LIMCH1: variants seen among roughly 807,000 people sequenced by gnomAD.
LIMCH1 encodes the protein LIM and calponin homology domains 1.
In LIMCH1, 113 loss-of-function variants were observed where a neutral mutation model predicts 176.5. That is an observed-to-expected ratio of 0.64 (90% CI 0.55 to 0.75). The LOEUF is 0.75. Among genes scored for constraint, LIMCH1 ranks in the 30% least tolerant of loss-of-function variants. The probability of loss-of-function intolerance (pLI) is 0.00; values close to 1 mark genes in which losing one functional copy is unlikely to be tolerated. For missense variants in LIMCH1, 1,674 were observed against 1,814.9 expected (o/e 0.92, Z 1.41); for synonymous variants, 619 against 645.9 (o/e 0.96, Z 0.63).
rs2093385935 is a variant in LIMCH1 at position 41,632,657 on chromosome 4, T to A, written c.1602-92T>A. ...GAATGAGAGCAGCCACATTCTTCTC[T>A]TAATCTTTCAGTCCCAAGGACTTTC... On this transcript the variant is annotated intron_variant, in intron 10 of 31. Coordinates refer to ENST00000503057, the MANE Select transcript of LIMCH1 (RefSeq NM_001330672.2). The A allele has an allele frequency of 1.9e-5, 19 of 996,928 alleles. No homozygotes were observed. The South Asian group carries it at 2.6e-4, about 13-fold the overall frequency. The allele number at this position is 996,928 out of a possible 1,614,324, so 61.8% of individuals were successfully genotyped here.
chr4:41,544,183 T>A (rs1382900270), intron 1 of LIMCH1, among the ~76,000 whole-genome samples: 1 of 152,142 alleles, frequency 6.6e-6, no homozygotes, highest in Non-Finnish European at 1.5e-5. Context: ...GATAAACTGC[T>A]ATTAAATAAA....
chr4:41,531,446 T>C (rs1299752399), intron 3 of LIMCH1, among the ~76,000 whole-genome samples: 1 of 149,454 alleles, frequency 6.7e-6, no homozygotes, highest in South Asian at 2.1e-4. Flanking sequence ...AATGCCCTCC[T>C]CTCTTTCTCT....
chr4:41,650,065 C>A (rs1027011459), intron 17 of LIMCH1, among the ~76,000 whole-genome samples: 1 of 152,190 alleles, frequency 6.6e-6, no homozygotes, highest in African/African-American at 2.4e-5. Flanking sequence ...AGTATTGGAA[C>A]CCCAATATGT....
intron 1 of LIMCH1, among the ~76,000 whole-genome samples, chr4:41,589,779 G>A (rs77170267): frequency 0.038 from 5,781 of 152,178 alleles, 273 homozygotes; most frequent in African/African-American, 0.11. Flanking sequence ...CTGTGTTCCT[G>A]GGCTGGTGAT....
At chr4:41,481,196 A>G (rs953628864) in intron 1 of LIMCH1, among the ~76,000 whole-genome samples, 1 of 152,176 alleles carries the variant, frequency 6.6e-6, no homozygotes, top group Non-Finnish European at 1.5e-5. Context: ...TGATTAAATA[A>G]CCTCAGGGCT....
At chr4:41,371,183 C>T (rs1040750693) in intron 1 of LIMCH1, among the ~76,000 whole-genome samples, 1 of 152,234 alleles carries the variant, frequency 6.6e-6, no homozygotes, top group Non-Finnish European at 1.5e-5. Flanking sequence ...CTGCCTCTCT[C>T]CTTCTCTCTC....
chr4:41,667,877 A>G (rs2094883411), intron 21 of LIMCH1, among the ~76,000 whole-genome samples: 1 of 152,010 alleles, frequency 6.6e-6, no homozygotes, highest in Non-Finnish European at 1.5e-5. Context: ...CACACCTGTA[A>G]TCCCAATACT....
chr4:41,620,479 A>C lies in LIMCH1; in HGVS notation c.514A>C (p.Asn172His). ...TGAAGTGGGGTCTGCTGGTGAAGAC[A>C]ACCCAGCTGGCCAAATGAATCCTGG... Reference protein sequence around the residue: ...GSEVGSAGEDNPAGQMNPGWK... With the variant: ...GSEVGSAGEDHPAGQMNPGWK... The change falls in exon 7 of 32, where the codon AAC (asparagine) becomes CAC (histidine). Residue 172 changes from asparagine to histidine, a missense_variant. Transcript: ENST00000503057. 6.5e-7 allele frequency: 1 copy of C among 1,536,258 alleles called. No individual in the cohort carries two copies. The highest frequency in any genetic ancestry group is 8.7e-7 in the Non-Finnish European group (1 of 1,146,926).
intron 6 of LIMCH1, 31 bp downstream of exon 6, chr4:41,619,471 GGC>G: frequency 6.2e-7 from 1 of 1,601,308 alleles, no homozygotes; most frequent in Non-Finnish European, 8.5e-7. Context: ...CCCTCTTCCT[GGC>G]TTGGGCATGA....
At chr4:41,511,676 A>C (rs533662147) in intron 2 of LIMCH1, among the ~76,000 whole-genome samples, 1 of 152,342 alleles carries the variant, frequency 6.6e-6, no homozygotes, top group East Asian at 1.9e-4. Context: ...GACGGGAAGA[A>C]GAAAGATTAT....
chr4:41,373,474 A>G (rs1012186306), intron 1 of LIMCH1, among the ~76,000 whole-genome samples: 1 of 152,240 alleles, frequency 6.6e-6, no homozygotes, highest in African/African-American at 2.4e-5. Context: ...GGAGGACAGC[A>G]GTTGGATTTT....
intron 7 of LIMCH1, among the ~76,000 whole-genome samples, chr4:41,621,472 T>G (rs937029625): frequency 4.6e-5 from 7 of 151,534 alleles, no homozygotes; most frequent in Admixed American, 3.3e-4. Flanking sequence ...ATTTGACAGT[T>G]GGAATTCCTT....
chr4:41,538,061 G>T (rs1437505044), upstream of LIMCH1: 1 of 540,900 alleles, frequency 1.8e-6, no homozygotes, highest in East Asian at 1.5e-4. Flanking sequence ...TACTTCTGAA[G>T]ATGCCATTCC....
chr4:41,590,944 A>T (rs1425304821), intron 1 of LIMCH1, among the ~76,000 whole-genome samples: 2 of 152,210 alleles, frequency 1.3e-5, no homozygotes, highest in African/African-American at 4.8e-5. Context: ...ATTATGTGGT[A>T]AGTTCCTGGA....
intron 1 of LIMCH1, among the ~76,000 whole-genome samples, chr4:41,447,819 C>T (rs1055057605): frequency 6.6e-6 from 1 of 151,966 alleles, no homozygotes; most frequent in Non-Finnish European, 1.5e-5. Context: ...GAGACAGGGT[C>T]TCCCTCTGTC....
At chr4:41,636,810 T>G (rs2093612377) in intron 13 of LIMCH1, among the ~76,000 whole-genome samples, 1 of 152,216 alleles carries the variant, frequency 6.6e-6, no homozygotes, top group Admixed American at 6.5e-5. Context: ...TCACAAAATG[T>G]GCTAAAGAAG....
At chr4:41,670,874 C>T in intron 21 of LIMCH1, 1 of 1,500,870 alleles carries the variant, frequency 6.7e-7, no homozygotes, top group Non-Finnish European at 8.8e-7. Flanking sequence ...CACTTGTCTT[C>T]ATTTCTGATT....
intron 1 of LIMCH1, among the ~76,000 whole-genome samples, chr4:41,589,802 A>G (rs909967960): frequency 6.6e-6 from 1 of 152,076 alleles, no homozygotes; most frequent in Non-Finnish European, 1.5e-5. Context: ...CCAAACCTAC[A>G]TATTCTGCAG....
chr4:41,425,566 C>T (rs996730995), intron 1 of LIMCH1, among the ~76,000 whole-genome samples: 1 of 152,136 alleles, frequency 6.6e-6, no homozygotes. Context: ...AGGCTGGTCT[C>T]GAACTCCTGA....
Sources: allele counts gnomAD v4.1 joint callset (sites outside exome capture counted in the v4.1 genomes callset), GRCh38; gene constraint gnomAD v4.1.1; transcripts MANE v1.5; gene names NCBI Gene and HGNC (gene_info 2026-07-23, HGNC 2026-07-21).